ZNF596: variants seen among roughly 807,000 people sequenced by gnomAD.
ZNF596 encodes the protein zinc finger protein 596.
In ZNF596, 45 loss-of-function variants were observed where a neutral mutation model predicts 48.3. That is an observed-to-expected ratio of 0.93 (90% CI 0.73 to 1.19). ZNF596 has a LOEUF of 1.19. Among genes scored for constraint, ZNF596 ranks in the 50% most tolerant of loss-of-function variants. The probability of loss-of-function intolerance (pLI) is 0.00; values close to 1 mark genes in which losing one functional copy is unlikely to be tolerated. For synonymous variants in ZNF596, 270 were observed against 202.0 expected, an observed-to-expected ratio of 1.34 and a Z score of -2.85; for missense variants, 848 against 599.7, an observed-to-expected ratio of 1.41 and a Z score of -4.32.
rs116191154 is a variant in ZNF596, at chr8:245,879, C to T, written c.1032C>T (p.Phe344=). The T allele has an allele frequency of 3.0e-3, 4,891 of 1,613,816 alleles. 22 individuals carry two copies. Among genetic ancestry groups the T allele is most frequent in the African/African-American group, 0.025 (1,881 of 74,924 alleles). Reference sequence around the variant, plus strand: ...AATGTCATCTATGTGGAAAAGCCTTCTCTCATTGTTCTCACCTTAGACAAC... The same window carrying T: ...AATGTCATCTATGTGGAAAAGCCTTTTCTCATTGTTCTCACCTTAGACAAC... ...PYECHLCGKA[F]SHCSHLRQHE... The change falls in exon 6 of 6, where the codon TTC becomes TTT. Residue 344 remains phenylalanine (F), a synonymous_variant. Transcript: ENST00000398612.
At chr8:239,520 C>T (rs892416705) in intron 1 of ZNF596, among the ~76,000 whole-genome samples, 1 of 152,166 alleles carries the variant, frequency 6.6e-6, no homozygotes, top group African/African-American at 2.4e-5. Context: ...ATGTTAGATT[C>T]ACTAGGGTTT....
intron 1 of ZNF596, among the ~76,000 whole-genome samples, chr8:238,060 A>G (rs1012883490): frequency 3.3e-5 from 5 of 152,220 alleles, no homozygotes; most frequent in Non-Finnish European, 2.9e-5. Flanking sequence ...GAGATTGCCC[A>G]TGAGGATGGA....
chr8:237,427 T>C (rs919897207), intron 1 of ZNF596: 1 of 152,220 alleles, frequency 6.6e-6, no homozygotes, highest in Non-Finnish European at 1.5e-5. Context: ...TTTTTAAAGT[T>C]TTACGTTTCT....
intron 1 of ZNF596, among the ~76,000 whole-genome samples, chr8:240,030 C>A (rs1796786274): frequency 2.6e-5 from 4 of 152,240 alleles, no homozygotes; most frequent in Non-Finnish European, 5.9e-5. Context: ...CTCCTAGCAA[C>A]TCTGTTGCTT....
intron 1 of ZNF596, among the ~76,000 whole-genome samples, chr8:238,788 C>T (rs374373398): frequency 2.0e-5 from 3 of 151,734 alleles, no homozygotes; most frequent in African/African-American, 7.3e-5. Context: ...GCCTGGGCAA[C>T]GCGAGTGAAA....
Position 245,461 on chromosome 8 carries a change from G to A in ZNF596, c.614G>A (p.Ser205Asn). 1.2e-6 allele frequency: 2 copies of A among 1,614,176 alleles called. No individual in the cohort carries two copies. The highest frequency in any genetic ancestry group is 2.2e-5 in the East Asian group (1 of 44,876). The stretch of plus-strand genomic sequence containing the variant: ...TGTCGTGTGTGTGGGAAAACCTTTA[G>A]CAAAAATTCTAATCTTAGGCGACAT... The part of the protein sequence containing the change: ...LECRVCGKTF[S>N]KNSNLRRHEM... The change falls in exon 6 of 6, where the codon AGC (serine) becomes AAC (asparagine). Residue 205 changes from serine (S) to asparagine (N), a missense_variant. Physicochemically the swap from Ser to Asn is conservative, Grantham distance 46 (BLOSUM62 1). Coordinates refer to ENST00000398612, the MANE Select transcript of ZNF596 (RefSeq NM_001042416.3).
intron 1 of ZNF596, 153 bp from the exon 2 acceptor site, chr8:240,671 C>G: frequency 3.5e-6 from 2 of 570,372 alleles, no homozygotes; most frequent in Non-Finnish European, 6.3e-6. Flanking sequence ...GTCATTTCTT[C>G]TGACCCTGGG....
At chr8:240,537 A>C (rs189176251) in intron 1 of ZNF596, 5 of 219,164 alleles carry the variant, frequency 2.3e-5, no homozygotes, top group African/African-American at 2.3e-5. Context: ...GATTCTTAGG[A>C]TTTGGAATCA....
At chr8:238,730 C>A (rs1584904920) in intron 1 of ZNF596, among the ~76,000 whole-genome samples, 2 of 150,648 alleles carry the variant, frequency 1.3e-5, no homozygotes, top group East Asian at 3.9e-4. Context: ...TCACTTGAAT[C>A]CAGGAGGTGG....
rs554203483 is a variant in ZNF596 at position 247,194 on chromosome 8, G to A, written c.*832G>A. 2.0e-5 allele frequency: 3 copies of A among 152,218 alleles called. No individual in the cohort carries two copies. Among genetic ancestry groups the A allele is most frequent in the Non-Finnish European group, 2.9e-5 (2 of 68,012 alleles). The allele number at this position is 152,218 out of a possible 1,614,324, so 9.4% of individuals were successfully genotyped here. On this transcript the variant is annotated 3_prime_UTR_variant, in exon 6 of 6. Transcript: ENST00000398612. The stretch of plus-strand genomic sequence containing the variant: ...GACAAAACATAAAGCCATCAAGCAC[G>A]TGCTTGAGAAAAAAATTATAATTTT...
rs936091645 is a variant in ZNF596 at position 245,764 on chromosome 8, C to T, written c.917C>T (p.Pro306Leu). ...KHERTHLGDK[P>L]YGCLLCGKAF... ...GAGAGAACTCACTTAGGAGATAAAC[C>T]ATATGGATGTCTCCTATGTGGGAAG... Residue 306 changes from proline (P) to leucine (L), a missense_variant, in exon 6 of 6, where the codon CCA becomes CTA. Transcript: ENST00000398612. The T allele has an allele frequency of 1.4e-5, 22 of 1,613,914 alleles. No homozygotes were observed. Among genetic ancestry groups the T allele is most frequent in the Non-Finnish European group, 1.7e-5 (20 of 1,180,000 alleles).
At chr8:240,326 C>G (rs1796800634) in intron 1 of ZNF596, 1 of 152,796 alleles carries the variant, frequency 6.5e-6, no homozygotes, top group Admixed American at 6.5e-5. Flanking sequence ...ACTGGTATTT[C>G]TAGAAGCCTC....
chr8:238,850 A>C (rs1373859020), intron 1 of ZNF596, among the ~76,000 whole-genome samples: 1 of 152,058 alleles, frequency 6.6e-6, no homozygotes, highest in African/African-American at 2.4e-5. Context: ...TTTCCTGATA[A>C]GAATTACAGG....
At chr8:239,154 T>C (rs1022003338) in intron 1 of ZNF596, among the ~76,000 whole-genome samples, 2 of 152,166 alleles carry the variant, frequency 1.3e-5, no homozygotes, top group Non-Finnish European at 2.9e-5. Flanking sequence ...AGAAACTGTC[T>C]GTCTTTGCTA....
intron 5 of ZNF596, among the ~76,000 whole-genome samples, chr8:244,903 T>C (rs1797001326): frequency 6.6e-6 from 1 of 152,212 alleles, no homozygotes; most frequent in South Asian, 2.1e-4. Context: ...CTTGACTACG[T>C]GCTGAAACTT....
At position 246,120 on chromosome 8, in the gene ZNF596, G is replaced by C; in HGVS notation, c.1273G>C (p.Gly425Arg). 1 of 1,613,486 alleles carries C rather than the reference G, an allele frequency of 6.2e-7. No individual in the cohort carries two copies. The highest frequency in any genetic ancestry group is 2.2e-5 in the East Asian group (1 of 44,858). Residue 425 changes from glycine to arginine, a missense_variant, in exon 6 of 6, where the codon GGA becomes CGA. By Grantham distance (125) the Gly-to-Arg change is moderately radical. Transcript: ENST00000398612. Reference protein sequence around the residue: ...GEKPYECHLCGKAFNHSSVLR... With the variant: ...GEKPYECHLCRKAFNHSSVLR... ...AAAACCATATGAATGCCATCTATGC[G>C]GAAAAGCCTTCAATCACTCTTCTGT...
chr8:240,980 A>G, intron 2 of ZNF596, 73 bp downstream of exon 2: 1 of 1,551,416 alleles, frequency 6.4e-7, no homozygotes, highest in Non-Finnish European at 8.9e-7. Flanking sequence ...TCATCCTATT[A>G]ACATGGATGT....
chr8:245,026 T>G (rs1563069443), intron 5 of ZNF596, 128 bp from the exon 6 acceptor site: 1 of 1,162,064 alleles, frequency 8.6e-7, no homozygotes, highest in African/African-American at 1.6e-5. Context: ...ATAACTGATA[T>G]AGGAACAATT....
intron 3 of ZNF596, 154 bp from the exon 4 acceptor site, chr8:243,568 C>T (rs183854397): frequency 1.0e-4 from 62 of 597,180 alleles, no homozygotes; most frequent in South Asian, 8.4e-4. Flanking sequence ...TCATTTTGCT[C>T]GTGAAGGACT....
Sources: gnomAD v4.1 joint callset for allele counts (sites outside exome capture counted in the v4.1 genomes callset) on GRCh38, gnomAD v4.1.1 for gene constraint, MANE v1.5 for transcripts, NCBI Gene and HGNC (gene_info 2026-07-23, HGNC 2026-07-21) for gene names.